Variants in GRIN2B observed in about 807,000 individuals in gnomAD.
GRIN2B encodes the protein glutamate receptor ionotropic, NMDA 2B.
GRIN2B carries 5 observed loss-of-function variants against 114.5 expected under a neutral mutation model. The observed-to-expected ratio is 0.04, with a 90% CI of 0.02 to 0.09. GRIN2B has a LOEUF of 0.09. GRIN2B is among the 10% of genes least tolerant of loss of function. The pLI is 1.00. For synonymous variants in GRIN2B, 787 were observed against 745.1 expected, an observed-to-expected ratio of 1.06 and a Z score of -0.92; for missense variants, 1,108 against 1,943.5, an observed-to-expected ratio of 0.57 and a Z score of 8.08.
chr12:13,714,077 C>T (rs1012118932), intron 4 of GRIN2B, among the ~76,000 whole-genome samples: 21 of 151,724 alleles, frequency 1.4e-4, no homozygotes, highest in African/African-American at 4.8e-4. Context: ...AAAATGTACC[C>T]TACATCACTC....
At chr12:13,666,489 A>AT (rs1820869198) in intron 5 of GRIN2B, among the ~76,000 whole-genome samples, 1 of 152,148 alleles carries the variant, frequency 6.6e-6, no homozygotes, top group South Asian at 2.1e-4. Context: ...AAATTATAAA[A>AT]TCACCCTGAA....
chr12:13,930,959 A>T (rs1357413288), intron 2 of GRIN2B, among the ~76,000 whole-genome samples: 3 of 152,230 alleles, frequency 2.0e-5, no homozygotes, highest in East Asian at 1.9e-4. Context: ...GTCAAAAAAA[A>T]GCAATGCAAC....
chr12:13,900,302 C>A (rs11055672), intron 2 of GRIN2B, among the ~76,000 whole-genome samples: 1 of 151,762 alleles, frequency 6.6e-6, no homozygotes, highest in Non-Finnish European at 1.5e-5. Context: ...GGAGAAACCC[C>A]GTCTCGACTG....
At chr12:13,612,059 G>C (rs1196924982) in intron 8 of GRIN2B, among the ~76,000 whole-genome samples, 3 of 152,206 alleles carry the variant, frequency 2.0e-5, no homozygotes, top group African/African-American at 7.2e-5. Flanking sequence ...GAGAAGGACA[G>C]CTTCATGCCC....
intron 5 of GRIN2B, among the ~76,000 whole-genome samples, chr12:13,673,415 C>T (rs1950041473): frequency 6.6e-6 from 1 of 152,018 alleles, no homozygotes; most frequent in South Asian, 2.1e-4. Flanking sequence ...TAGCCCCAGT[C>T]CATAAACCAT....
At chr12:13,749,619 T>C (rs1239431100) in intron 4 of GRIN2B, among the ~76,000 whole-genome samples, 1 of 152,222 alleles carries the variant, frequency 6.6e-6, no homozygotes, top group Non-Finnish European at 1.5e-5. Flanking sequence ...ATGGTGTGGC[T>C]GCTTGGTTTG....
chr12:13,761,561 A>G (rs760103343), intron 3 of GRIN2B, among the ~76,000 whole-genome samples: 22 of 152,208 alleles, frequency 1.4e-4, no homozygotes, highest in African/African-American at 5.1e-4. Flanking sequence ...GCACTTTGAG[A>G]ATGTGTTTGT....
At chr12:13,620,430 G>A (rs1949499516) in intron 5 of GRIN2B, among the ~76,000 whole-genome samples, 1 of 152,128 alleles carries the variant, frequency 6.6e-6, no homozygotes, top group Non-Finnish European at 1.5e-5. Context: ...TGGGCACCGT[G>A]AAGTTGGCAA....
chr12:13,582,474 C>A (rs927198017), intron 10 of GRIN2B, among the ~76,000 whole-genome samples: 1 of 152,216 alleles, frequency 6.6e-6, no homozygotes, highest in Admixed American at 6.5e-5. Flanking sequence ...AATAAGCATT[C>A]AACACCTTAA....
At chr12:13,613,190 T>C (rs1949387596) in intron 8 of GRIN2B, among the ~76,000 whole-genome samples, 1 of 152,220 alleles carries the variant, frequency 6.6e-6, no homozygotes, top group African/African-American at 2.4e-5. Flanking sequence ...CACTTGACTC[T>C]AATTGATTGC....
chr12:13,612,353 G>A (rs1015855608), intron 8 of GRIN2B, among the ~76,000 whole-genome samples: 16 of 152,160 alleles, frequency 1.1e-4, no homozygotes, highest in African/African-American at 3.9e-4. Context: ...TAAATAACCA[G>A]CCCCCTTTTC....
intron 3 of GRIN2B, among the ~76,000 whole-genome samples, chr12:13,833,989 G>A (rs1255050273): frequency 6.7e-6 from 1 of 149,564 alleles, no homozygotes; most frequent in Non-Finnish European, 1.5e-5. Context: ...AAAGGTGCAA[G>A]GTGAAAACAC....
At chr12:13,842,909 T>C (rs1183590252) in intron 3 of GRIN2B, among the ~76,000 whole-genome samples, 3 of 136,552 alleles carry the variant, frequency 2.2e-5, no homozygotes, top group African/African-American at 8.5e-5. Flanking sequence ...TTGTGAAGAT[T>C]GGTTTTTCTT....
chr12:13,808,752 A>ATATATAT (rs1491182910), intron 3 of GRIN2B, among the ~76,000 whole-genome samples: 1 of 109,896 alleles, frequency 9.1e-6, no homozygotes, highest in African/African-American at 2.9e-5. Flanking sequence ...ATAAAAAAAA[A>ATATATAT]ATATATATAT....
At chr12:13,785,765 C>T (rs1864213593) in intron 3 of GRIN2B, among the ~76,000 whole-genome samples, 1 of 152,110 alleles carries the variant, frequency 6.6e-6, no homozygotes, top group African/African-American at 2.4e-5. Context: ...ACAAATATAG[C>T]AACAGATAAC....
intron 4 of GRIN2B, among the ~76,000 whole-genome samples, chr12:13,692,733 T>C (rs1218594477): frequency 1.3e-5 from 2 of 149,716 alleles, no homozygotes; most frequent in Non-Finnish European, 3.0e-5. Context: ...GTAGTAATCA[T>C]TACTTATTTT....
At chr12:13,938,368 G>C (rs1003680531) in intron 2 of GRIN2B, among the ~76,000 whole-genome samples, 4 of 151,960 alleles carry the variant, frequency 2.6e-5, no homozygotes, top group African/African-American at 9.7e-5. Context: ...TAAAGTAAAA[G>C]GATAGAAAAA....
At chr12:13,943,397 T>C (rs142621758) in intron 2 of GRIN2B, among the ~76,000 whole-genome samples, 237 of 152,280 alleles carry the variant, frequency 1.6e-3, no homozygotes, top group African/African-American at 5.4e-3. Flanking sequence ...AATTTGTTTA[T>C]GTAAAGGATC....
At position 13,562,590 on chromosome 12, in the gene GRIN2B, AAGG is replaced by A. The variant is rs201388414; in HGVS notation, c.*190_*192del. 75 of 608,550 alleles carry A rather than the reference AAGG, an allele frequency of 1.2e-4. No individual in the cohort carries two copies. The East Asian group carries it at 2.0e-3, about 16-fold the overall frequency. The allele number at this position is 608,550 out of a possible 1,614,324, so 37.7% of individuals were successfully genotyped here. A position where few individuals can be genotyped will look rare whatever the true frequency, so the allele number is the denominator to read the frequency against. On this transcript the variant is annotated 3_prime_UTR_variant, in exon 14 of 14. Coordinates refer to ENST00000609686, the MANE Select transcript of GRIN2B (RefSeq NM_000834.5). Reference sequence around the variant, plus strand: ...GGGGGAAGAAGGAGAGAACTGTGAAAAGGAGGAGAGATGGTGCTGGTCACCAGG... The same window carrying A: ...GGGGGAAGAAGGAGAGAACTGTGAAAAGGAGAGATGGTGCTGGTCACCAGG...
Sources: gnomAD v4.1 joint callset for allele counts (sites outside exome capture counted in the v4.1 genomes callset) on GRCh38, gnomAD v4.1.1 for gene constraint, MANE v1.5 for transcripts, NCBI Gene and HGNC (gene_info 2026-07-23, HGNC 2026-07-21) for gene names.